Variants in LRP1B observed in about 807,000 individuals in gnomAD.
LRP1B encodes LDL receptor related protein 1B.
LRP1B carries 217 observed loss-of-function variants against 556.6 expected under a neutral mutation model. That is an observed-to-expected ratio of 0.39 (90% CI 0.35 to 0.44). LRP1B has a LOEUF of 0.44. Among genes scored for constraint, LRP1B ranks in the 20% least tolerant of loss-of-function variants. The probability of loss-of-function intolerance (pLI) is 1.00; values close to 1 mark genes in which losing one functional copy is unlikely to be tolerated. For synonymous variants in LRP1B, 2,047 were observed against 1,865.8 expected, an observed-to-expected ratio of 1.10 and a Z score of -2.50; for missense variants, 5,053 against 5,620.8, an observed-to-expected ratio of 0.90 and a Z score of 3.23.
Position 140,950,377 on chromosome 2 carries a change from A to C in LRP1B, c.2994T>G (p.Asp998Glu), listed in dbSNP as rs2105300172. 1 of 1,610,670 alleles carries C rather than the reference A, an allele frequency of 6.2e-7. No individual in the cohort carries two copies. The highest frequency in any genetic ancestry group is 8.5e-7 in the Non-Finnish European group (1 of 1,178,556). The change falls in exon 20 of 91, where the codon GAT (aspartate) becomes GAG (glutamate). Residue 998 changes from aspartate (D) to glutamate (E), a missense_variant. Around this residue, in one of 5 missense-constraint regions of LRP1B, gnomAD observed 3,619 missense variants for 3,931.9 expected, o/e 0.92. Coordinates refer to ENST00000389484, the MANE Select transcript of LRP1B (RefSeq NM_018557.3). ...DSDDDCGDGS[D>E]EVGCVHSCFD... ...AGCAAGAGTGAACACAGCCCACCTC[A>C]TCACTCCCGTCCCCACAGTCGTCAT...
intron 3 of LRP1B, among the ~76,000 whole-genome samples, chr2:141,334,228 G>T (rs1312089874): frequency 6.6e-6 from 1 of 152,160 alleles, no homozygotes; most frequent in Non-Finnish European, 1.5e-5. Flanking sequence ...CGTGGGGCCT[G>T]TTGGGAAGTG....
At chr2:141,874,796 G>T in intron 1 of LRP1B, among the ~76,000 whole-genome samples, 1 of 151,836 alleles carries the variant, frequency 6.6e-6, no homozygotes, top group Non-Finnish European at 1.5e-5. Flanking sequence ...TATTTCCCAT[G>T]GGATTAAAAA....
chr2:140,487,965 C>T (rs1038784190), intron 57 of LRP1B, among the ~76,000 whole-genome samples: 18 of 151,664 alleles, frequency 1.2e-4, no homozygotes, highest in Admixed American at 2.6e-4. Context: ...TCCACATAGG[C>T]CACAAAATTT....
Position 140,923,254 on chromosome 2 carries a change from CATT to C in LRP1B, c.3137-110_3137-108del, listed in dbSNP as rs1433504446. On this transcript the variant is annotated intron_variant, in intron 20 of 90. Coordinates refer to ENST00000389484, the MANE Select transcript of LRP1B (RefSeq NM_018557.3). ...TTTCACATTTTTTTCTTTCTTCAGGCATTATTATAATGCTAGAGAGAATACATT... is the reference window on the plus strand; with the variant it reads ...TTTCACATTTTTTTCTTTCTTCAGGCATTATAATGCTAGAGAGAATACATT... 26 of 784,354 alleles carry C rather than the reference CATT, an allele frequency of 3.3e-5. No homozygotes were observed. The East Asian group carries it at 5.9e-4, about 18-fold the overall frequency. 48.6% of individuals were successfully genotyped at this position (784,354 alleles called of 1,614,324 possible).
intron 1 of LRP1B, among the ~76,000 whole-genome samples, chr2:141,850,697 G>A (rs868203164): frequency 1.3e-5 from 2 of 148,348 alleles, no homozygotes; most frequent in South Asian, 2.1e-4. Flanking sequence ...CTCATTCCTG[G>A]CACAATTCAA....
chr2:141,996,533 T>C (rs1448484501), intron 1 of LRP1B, among the ~76,000 whole-genome samples: 9 of 152,158 alleles, frequency 5.9e-5, no homozygotes, highest in East Asian at 1.9e-4. Context: ...ACTGTAGCCA[T>C]TGAGAGCCTT....
intron 3 of LRP1B, among the ~76,000 whole-genome samples, chr2:141,404,886 TG>T (rs1440983313): frequency 3.3e-5 from 5 of 151,814 alleles, no homozygotes; most frequent in East Asian, 1.9e-4. Flanking sequence ...ATAGAGAATA[TG>T]TTTTTTTTTT....
At chr2:141,585,422 CGTGTGTGTGTGTGTGTGTGTGTGTGT>C (rs3041302) in intron 2 of LRP1B, among the ~76,000 whole-genome samples, 2 of 129,170 alleles carry the variant, frequency 1.5e-5, no homozygotes, top group African/African-American at 2.9e-5. Flanking sequence ...CTGAAATAAT[CGTGTGTGTGTGTGTGTGTGTGTGTGT>C]GTGTGTGTGT....
chr2:140,492,714 CATATT>C (rs753404581), intron 56 of LRP1B, 21 bp from the exon 57 acceptor site: 1 of 1,498,632 alleles, frequency 6.7e-7, no homozygotes, highest in South Asian at 1.1e-5. Context: ...ACACAAATAA[CATATT>C]AGACTTTAAG....
intron 67 of LRP1B, among the ~76,000 whole-genome samples, chr2:140,383,918 G>C (rs1202504846): frequency 6.6e-6 from 1 of 152,148 alleles, no homozygotes; most frequent in Non-Finnish European, 1.5e-5. Flanking sequence ...TGTGGCTACA[G>C]TGATTTATCA....
chr2:140,299,337 G>A (rs931878648), intron 83 of LRP1B, among the ~76,000 whole-genome samples: 1 of 152,012 alleles, frequency 6.6e-6, no homozygotes, highest in Non-Finnish European at 1.5e-5. Context: ...GACTCTACAT[G>A]CTCAAAAATG....
intron 2 of LRP1B, among the ~76,000 whole-genome samples, chr2:141,561,871 C>T (rs11680517): frequency 0.31 from 47,407 of 151,496 alleles, 7,754 homozygotes; most frequent in South Asian, 0.45. Context: ...AACATTACCA[C>T]GATAGCTTAT....
At chr2:141,436,584 C>T (rs1001340913) in intron 3 of LRP1B, among the ~76,000 whole-genome samples, 6 of 3,238 alleles carry the variant, frequency 1.9e-3, no homozygotes, top group African/African-American at 3.6e-3. Flanking sequence ...TGTTTTCTCT[C>T]TTCTGTAAAT....
intron 2 of LRP1B, among the ~76,000 whole-genome samples, chr2:141,721,159 A>G (rs1558827623): frequency 6.6e-6 from 1 of 152,158 alleles, no homozygotes; most frequent in Non-Finnish European, 1.5e-5. Context: ...CTGACTATAA[A>G]CAAACCTTCA....
At chr2:140,815,845 C>T (rs907289679) in intron 31 of LRP1B, among the ~76,000 whole-genome samples, 1 of 145,070 alleles carries the variant, frequency 6.9e-6, no homozygotes, top group African/African-American at 2.5e-5. Context: ...GGGGGCTTCA[C>T]AGAGGGAAGA....
At chr2:141,012,997 T>C (rs1425296750) in intron 14 of LRP1B, among the ~76,000 whole-genome samples, 3 of 150,112 alleles carry the variant, frequency 2.0e-5, no homozygotes, top group East Asian at 2.0e-4. Flanking sequence ...ATTAATAACT[T>C]ATGCAAGTAA....
intron 76 of LRP1B, among the ~76,000 whole-genome samples, chr2:140,351,918 G>A (rs1681979137): frequency 6.6e-6 from 1 of 152,048 alleles, no homozygotes; most frequent in South Asian, 2.1e-4. Flanking sequence ...TGACACTTTA[G>A]TGAATTCCTT....
intron 2 of LRP1B, among the ~76,000 whole-genome samples, chr2:141,640,417 T>C (rs1328298601): frequency 1.3e-5 from 2 of 152,200 alleles, no homozygotes; most frequent in African/African-American, 4.8e-5. Context: ...TTTCTGAGAT[T>C]TGTTCTTCTT....
intron 41 of LRP1B, among the ~76,000 whole-genome samples, chr2:140,667,011 T>C (rs1685301620): frequency 6.6e-6 from 1 of 152,220 alleles, no homozygotes; most frequent in Admixed American, 6.5e-5. Context: ...CTTATTATCA[T>C]ATTCTCAGCA....
Sources: gnomAD v4.1 joint callset for allele counts (sites outside exome capture counted in the v4.1 genomes callset) on GRCh38, gnomAD v4.1.1 for gene constraint, gnomAD v4.1.1 regional missense constraint, MANE v1.5 for transcripts, NCBI Gene and HGNC (gene_info 2026-07-23, HGNC 2026-07-21) for gene names.